Variants in SLC26A4 observed in about 807,000 individuals in gnomAD.
SLC26A4 encodes the protein pendrin.
SLC26A4 carries 93 observed loss-of-function variants against 90.4 expected under a neutral mutation model. The observed-to-expected ratio is 1.03, with a 90% CI of 0.87 to 1.22. The LOEUF (loss-of-function observed/expected upper bound fraction) is 1.22, where lower values mean the gene tolerates loss of function less well. SLC26A4 is among the 50% of genes most tolerant of loss of function. The pLI is 0.00. For missense variants in SLC26A4, 1,127 were observed against 946.2 expected (o/e 1.19, Z -2.51); for synonymous variants, 393 against 354.6 (o/e 1.11, Z -1.22).
chr7:107,693,610 A>T, intron 10 of SLC26A4: 1 of 985,540 alleles, frequency 1.0e-6, no homozygotes, highest in Non-Finnish European at 1.2e-6. Context: ...TTCATTGGTC[A>T]TCTAATCAAA....
intron 8 of SLC26A4, among the ~76,000 whole-genome samples, chr7:107,686,445 C>CTTTCTTTCTTTCTT (rs1562831264): frequency 8.2e-6 from 1 of 122,268 alleles, no homozygotes; most frequent in Admixed American, 8.8e-5. Context: ...TTCTTTCTTT[C>CTTTCTTTCTTTCTT]TTTCTTTCTT....
At chr7:107,695,248 G>A (rs1020374120) in intron 12 of SLC26A4, among the ~76,000 whole-genome samples, 4 of 152,050 alleles carry the variant, frequency 2.6e-5, no homozygotes, top group Non-Finnish European at 5.9e-5. Flanking sequence ...AAAGAGACCA[G>A]AATAGAAATG....
At chr7:107,687,976 GAAAATT>G (rs1791465206) in intron 8 of SLC26A4, among the ~76,000 whole-genome samples, 1 of 152,152 alleles carries the variant, frequency 6.6e-6, no homozygotes, top group Non-Finnish European at 1.5e-5. Context: ...AAAGGAGTCT[GAAAATT>G]AACCTCACTG....
chr7:107,661,626 C>T lies in SLC26A4; in HGVS notation c.-3-13C>T. The stretch of plus-strand genomic sequence containing the variant: ...CCGCGTGTCCTCCCTCCTCGCTGTC[C>T]TCTGGCTCGCAGGTCATGGCAGCGC... On this transcript the variant is annotated splice_polypyrimidine_tract_variant and intron_variant, in intron 1 of 20. Coordinates refer to ENST00000644269, the MANE Select transcript of SLC26A4 (RefSeq NM_000441.2). This position sits in a 1 kb window ranked among gnomAD's most constrained non-coding sequence, Gnocchi z 5.1. The T allele has an allele frequency of 1.3e-6, 2 of 1,553,412 alleles. No homozygotes were observed. Among genetic ancestry groups the T allele is most frequent in the East Asian group, 2.4e-5 (1 of 42,320 alleles).
intron 10 of SLC26A4, among the ~76,000 whole-genome samples, chr7:107,690,830 A>G (rs1017638495): frequency 2.0e-4 from 31 of 151,998 alleles, no homozygotes; most frequent in Admixed American, 2.0e-4. Context: ...TTGCCTTTAC[A>G]AGGTGGCCAA....
In SLC26A4 at chr7:107,661,255, G is replaced by C. The variant is rs548966921; in HGVS notation, c.-3-384G>C. 1.8e-5 allele frequency: 5 copies of C among 274,864 alleles called. No individual in the cohort carries two copies. Among genetic ancestry groups the C allele is most frequent in the South Asian group, 1.8e-4 (4 of 22,166 alleles). The allele number at this position is 274,864 out of a possible 1,614,324, so 17.0% of individuals were successfully genotyped here. A position where few individuals can be genotyped will look rare whatever the true frequency, so the allele number is the denominator to read the frequency against. On this transcript the variant is annotated intron_variant, in intron 1 of 20. Transcript: ENST00000644269. The surrounding 1 kb of genome is among the most constrained non-coding windows in gnomAD (Gnocchi z 5.1). ...AGTGTCCCCTTCCAGCCTTGCAAGC[G>C]CCTTTGGCCCCTGCCCCAGCCCCTC...
chr7:107,663,782 C>T (rs1267476879), intron 3 of SLC26A4, among the ~76,000 whole-genome samples: 2 of 152,012 alleles, frequency 1.3e-5, no homozygotes, highest in East Asian at 3.9e-4. Flanking sequence ...CTCCCGGGTT[C>T]ACGCCATTCT....
intron 20 of SLC26A4, among the ~76,000 whole-genome samples, chr7:107,714,936 G>T (rs1384472720): frequency 6.6e-6 from 1 of 151,756 alleles, no homozygotes; most frequent in Non-Finnish European, 1.5e-5. Flanking sequence ...AAAGTGTGAT[G>T]AATACAGGCC....
chr7:107,706,091 C>T (rs112321124), intron 18 of SLC26A4, among the ~76,000 whole-genome samples: 3,753 of 152,268 alleles, frequency 0.025, 153 homozygotes, highest in African/African-American at 0.085. Context: ...AAATATTGAA[C>T]AGGGCTACAG....
intron 16 of SLC26A4, 102 bp from the exon 17 acceptor site, chr7:107,701,725 C>A: frequency 1.2e-6 from 1 of 814,166 alleles, no homozygotes; most frequent in Non-Finnish European, 2.1e-6. Flanking sequence ...TGATGTCTTG[C>A]TTACCAAGGA....
At chr7:107,710,323 C>G in intron 19 of SLC26A4, 124 bp downstream of exon 19, 2 of 744,100 alleles carry the variant, frequency 2.7e-6, no homozygotes, top group Non-Finnish European at 4.7e-6. Context: ...CTTCATGGAG[C>G]CTCAGTTTTT....
chr7:107,674,952 T>A lies in SLC26A4; in HGVS notation c.608T>A (p.Phe203Tyr), dbSNP rs1299078467. The A allele has an allele frequency of 6.2e-7, 1 of 1,613,842 alleles. No individual in the cohort carries two copies. The highest frequency in any genetic ancestry group is 2.2e-5 in the East Asian group (1 of 44,882). The change falls in exon 6 of 21, where the codon TTT (phenylalanine) becomes TAT (tyrosine). Residue 203 changes from phenylalanine (F) to tyrosine (Y), a missense_variant. Coordinates refer to ENST00000644269, the MANE Select transcript of SLC26A4 (RefSeq NM_000441.2). Reference protein sequence around the residue: ...TLLVGIIQLIFGGLQIGFIVR... With the variant: ...TLLVGIIQLIYGGLQIGFIVR... ...TCCTTTTCCTTATCGTAGTTGATAT[T>A]TGGTGGCTTGCAGATTGGATTCATA...
chr7:107,701,084 G>C lies in SLC26A4; in HGVS notation c.1708-17G>C, dbSNP rs1317506037. 1 of 1,497,898 alleles carries C rather than the reference G, an allele frequency of 6.7e-7. No homozygotes were observed. Among genetic ancestry groups the C allele is most frequent in the Non-Finnish European group, 9.3e-7 (1 of 1,074,348 alleles). The allele number at this position is 1,497,898 out of a possible 1,614,324, so 92.8% of individuals were successfully genotyped here. On this transcript the variant is annotated splice_polypyrimidine_tract_variant and intron_variant, in intron 15 of 20. Transcript: ENST00000644269. ...AGGTGCCAGGCATTTTAAGTAACTT[G>C]ACATTTATTTCCAAAGGTTGGATTT...
chr7:107,709,326 G>A (rs1356660882), intron 18 of SLC26A4, among the ~76,000 whole-genome samples: 1 of 152,202 alleles, frequency 6.6e-6, no homozygotes, highest in African/African-American at 2.4e-5. Context: ...AGGCTGGAGT[G>A]CAGTGGTGCA....
intron 17 of SLC26A4, among the ~76,000 whole-genome samples, chr7:107,702,523 C>T (rs1791925309): frequency 6.6e-6 from 1 of 151,852 alleles, no homozygotes; most frequent in South Asian, 2.1e-4. Context: ...AACCCCGTCT[C>T]TACCAAAAAT....
Position 107,689,081 on chromosome 7 carries a change from A to G in SLC26A4, c.1030A>G (p.Ser344Gly). Residue 344 changes from serine (S) to glycine (G), a missense_variant, in exon 9 of 21, where the codon AGC becomes GGC. Ser to Gly is a moderately conservative substitution (Grantham distance 56). Coordinates refer to ENST00000644269, the MANE Select transcript of SLC26A4 (RefSeq NM_000441.2). ...TTTGCCTCCTGAACTTCCACCTGTG[A>G]GCTTGTTCTCGGAGATGCTGGCTGC... ...GFLPPELPPV[S>G]LFSEMLAASF... 6.2e-7 allele frequency: 1 copy of G among 1,613,892 alleles called. No homozygotes were observed. The highest frequency in any genetic ancestry group is 8.5e-7 in the Non-Finnish European group (1 of 1,179,852).
Position 107,717,365 on chromosome 7 carries a change from C to CAAAAAA in SLC26A4, c.*1939_*1944dup, listed in dbSNP as rs56009300. 6.8e-5 allele frequency: 5 copies of CAAAAAA among 73,568 alleles called. No homozygotes were observed. The highest frequency in any genetic ancestry group is 1.2e-4 in the African/African-American group (2 of 17,386). The allele number at this position is 73,568 out of a possible 1,614,324, so 4.6% of individuals were successfully genotyped here. A position where few individuals can be genotyped will look rare whatever the true frequency, so the allele number is the denominator to read the frequency against. On this transcript the variant is annotated 3_prime_UTR_variant, in exon 21 of 21. Coordinates refer to ENST00000644269, the MANE Select transcript of SLC26A4 (RefSeq NM_000441.2). The stretch of plus-strand genomic sequence containing the variant: ...TGGGCGACAGAGCAAGACTCCGTCT[C>CAAAAAA]AAAAAAAAAAAAAAAAAAAAAAAAA...
intron 10 of SLC26A4, 103 bp from the exon 11 acceptor site, chr7:107,694,300 T>C: frequency 2.4e-6 from 2 of 834,086 alleles, no homozygotes; most frequent in Non-Finnish European, 4.1e-6. Flanking sequence ...CAGGGAAGTA[T>C]GAAGTGTGTC....
intron 10 of SLC26A4, 65 bp downstream of exon 10, chr7:107,690,302 G>A: frequency 1.0e-6 from 1 of 975,926 alleles, no homozygotes; most frequent in Admixed American, 1.7e-5. Flanking sequence ...ACAGAGGAAG[G>A]CTCGCACCGA....
Sources: allele counts gnomAD v4.1 joint callset (sites outside exome capture counted in the v4.1 genomes callset), GRCh38; gene constraint gnomAD v4.1.1; non-coding constraint Gnocchi (gnomAD v3.1); transcripts MANE v1.5; gene names NCBI Gene and HGNC (gene_info 2026-07-23, HGNC 2026-07-21).